Variants in FAM216A observed in about 807,000 individuals in gnomAD.
FAM216A encodes protein FAM216A.
In FAM216A, 26 loss-of-function variants were observed where a neutral mutation model predicts 37.6. The ratio of observed to expected loss-of-function variants is 0.69; its 90% CI spans 0.51 to 0.96. The LOEUF is 0.96. Among genes scored for constraint, FAM216A ranks in the 40% least tolerant of loss-of-function variants. The pLI, the probability that FAM216A is intolerant of heterozygous loss-of-function variation, is 0.00. For missense variants in FAM216A, 326 were observed against 339.3 expected (o/e 0.96, Z 0.31); for synonymous variants, 110 against 121.7 (o/e 0.90, Z 0.64).
intron 2 of FAM216A, among the ~76,000 whole-genome samples, chr12:110,480,388 A>G (rs936338548): frequency 6.6e-6 from 1 of 151,600 alleles, no homozygotes; most frequent in Non-Finnish European, 1.5e-5. Flanking sequence ...ATATTTTTCT[A>G]GAGACGGGGT....
chr12:110,470,502 G>C (rs2135538867), intron 1 of FAM216A, among the ~76,000 whole-genome samples: 1 of 147,318 alleles, frequency 6.8e-6, no homozygotes, highest in South Asian at 2.1e-4. Context: ...TATTGAGACA[G>C]AGTCTCCCTC....
At chr12:110,483,862 T>C (rs901345069) in intron 2 of FAM216A, among the ~76,000 whole-genome samples, 5 of 152,080 alleles carry the variant, frequency 3.3e-5, no homozygotes, top group African/African-American at 1.2e-4. Context: ...ACTGAAACTA[T>C]GTAAAAATAA....
chr12:110,487,986 T>A (rs1251189717), intron 6 of FAM216A, 43 bp downstream of exon 6: 1 of 1,106,214 alleles, frequency 9.0e-7, no homozygotes, highest in East Asian at 2.4e-5. Flanking sequence ...TAAGATCTTA[T>A]GCTTAAAAAT....
rs142702785 is a variant in FAM216A, at chr12:110,485,207, A to G, written c.306+8A>G. On this transcript the variant is annotated splice_region_variant and intron_variant, in intron 3 of 6. Transcript: ENST00000377673. ...GAGGCGTCCTTTTTCAAGGTATGCT[A>G]ACAGGGACATATTTAAATACCAATA... is the stretch of plus-strand genomic sequence containing the variant. 7.0e-4 allele frequency: 1,114 copies of G among 1,599,278 alleles called. 9 individuals are homozygous for G. The Admixed American group carries it at 9.5e-3, about 14-fold the overall frequency.
intron 1 of FAM216A, chr12:110,469,233 G>T (rs981700546): frequency 6.0e-6 from 3 of 504,160 alleles, no homozygotes; most frequent in Non-Finnish European, 9.8e-6. Context: ...TCTGAGGGAA[G>T]CTTCGGAGGA....
At position 110,487,963 on chromosome 12, in the gene FAM216A, A is replaced by G; in HGVS notation, c.703+20A>G. On this transcript the variant is annotated intron_variant, in intron 6 of 6. Transcript: ENST00000377673. ...AAACAGGTAAATGTGGAAATTTAAC[A>G]ATATTCATTTTTTAAGATCTTATGC... The G allele has an allele frequency of 7.0e-7, 1 of 1,433,226 alleles. No individual in the cohort carries two copies. Among genetic ancestry groups the G allele is most frequent in the South Asian group, 1.2e-5 (1 of 84,696 alleles). 88.8% of individuals were successfully genotyped at this position (1,433,226 alleles called of 1,614,324 possible). A position where few individuals can be genotyped will look rare whatever the true frequency, so the allele number is the denominator to read the frequency against.
Position 110,487,756 on chromosome 12 carries a change from T to C in FAM216A, c.621-105T>C. On this transcript the variant is annotated intron_variant, in intron 5 of 6. Coordinates refer to ENST00000377673, the MANE Select transcript of FAM216A (RefSeq NM_013300.3). The stretch of plus-strand genomic sequence containing the variant: ...GAATCTGGGTGCTGAAAGGGTCTTT[T>C]TGGTGATGTTGGCAGCTAATAAAAC... The C allele has an allele frequency of 1.5e-5, 11 of 730,956 alleles. 1 individual carries two copies. The South Asian group carries it at 1.7e-4, about 11-fold the overall frequency. 45.3% of individuals were successfully genotyped at this position (730,956 alleles called of 1,614,324 possible).
chr12:110,485,922 A>G (rs1399018477), intron 3 of FAM216A, among the ~76,000 whole-genome samples: 1 of 152,194 alleles, frequency 6.6e-6, no homozygotes, highest in Admixed American at 6.5e-5. Context: ...TGGTGCTGGA[A>G]AAGAATGTTT....
At chr12:110,474,584 C>T (rs761233692) in intron 2 of FAM216A, among the ~76,000 whole-genome samples, 5 of 147,032 alleles carry the variant, frequency 3.4e-5, no homozygotes, top group African/African-American at 1.3e-4. Flanking sequence ...CCCAGCTACT[C>T]GGAAGGCTGA....
intron 2 of FAM216A, among the ~76,000 whole-genome samples, chr12:110,481,444 A>G (rs1191838956): frequency 6.6e-6 from 1 of 152,120 alleles, no homozygotes; most frequent in Non-Finnish European, 1.5e-5. Context: ...TGCCAGGTTC[A>G]AGTGATTCTT....
At chr12:110,470,109 T>G (rs1197590207) in intron 1 of FAM216A, among the ~76,000 whole-genome samples, 2 of 151,740 alleles carry the variant, frequency 1.3e-5, no homozygotes, top group Admixed American at 6.6e-5. Flanking sequence ...TTTTGTTTTT[T>G]TTTTTTTGAG....
At chr12:110,478,910 C>T (rs1351352434) in intron 2 of FAM216A, among the ~76,000 whole-genome samples, 2 of 151,830 alleles carry the variant, frequency 1.3e-5, no homozygotes, top group South Asian at 2.1e-4. Context: ...TATTTAAGGC[C>T]GGGCGCGGTG....
chr12:110,490,069 G>A lies in FAM216A; in HGVS notation c.754G>A (p.Asp252Asn). 1 of 1,566,172 alleles carries A rather than the reference G, an allele frequency of 6.4e-7. No individual in the cohort carries two copies. Among genetic ancestry groups the A allele is most frequent in the Non-Finnish European group, 8.8e-7 (1 of 1,136,728 alleles). Reference protein sequence around the residue: ...SHMSEEKKEEDLLNNFMQSMS... With the variant: ...SHMSEEKKEENLLNNFMQSMS... ...CATGAGTGAAGAAAAAAAGGAAGAAGATTTACTAAATAATTTTATGCAATC... is the reference window on the plus strand; with the variant it reads ...CATGAGTGAAGAAAAAAAGGAAGAAAATTTACTAAATAATTTTATGCAATC... Residue 252 changes from aspartate (D) to asparagine (N), a missense_variant, in exon 7 of 7, where the codon GAT becomes AAT. Transcript: ENST00000377673.
At chr12:110,474,209 G>C (rs1027896004) in intron 2 of FAM216A, among the ~76,000 whole-genome samples, 1 of 151,872 alleles carries the variant, frequency 6.6e-6, no homozygotes, top group Admixed American at 6.6e-5. Flanking sequence ...TTATAGTTCA[G>C]TGTAAAAAAG....
At chr12:110,470,104 T>G (rs1592973146) in intron 1 of FAM216A, among the ~76,000 whole-genome samples, 3 of 119,294 alleles carry the variant, frequency 2.5e-5, no homozygotes, top group East Asian at 4.4e-4. Context: ...ATCCTTTTTG[T>G]TTTTTTTTTT....
chr12:110,473,081 A>G lies in FAM216A; in HGVS notation c.147A>G (p.Ser49=). 1 of 1,548,564 alleles carries G rather than the reference A, an allele frequency of 6.5e-7. No homozygotes were observed. Among genetic ancestry groups the G allele is most frequent in the South Asian group, 1.2e-5 (1 of 85,010 alleles). The change falls in exon 2 of 7, where the codon TCA becomes TCG. Residue 49 remains serine (S), a synonymous_variant. Transcript: ENST00000377673. ...VAGTEGGGGG[S]AGYSCYQNSK... Reference sequence around the variant, plus strand: ...ATATGCTTTATTTTTTCAACAGATCAGCTGGATACTCTTGTTACCAGAATT... The same window carrying G: ...ATATGCTTTATTTTTTCAACAGATCGGCTGGATACTCTTGTTACCAGAATT...
At chr12:110,478,793 T>C (rs2062729521) in intron 2 of FAM216A, among the ~76,000 whole-genome samples, 1 of 152,164 alleles carries the variant, frequency 6.6e-6, no homozygotes, top group Admixed American at 6.6e-5. Context: ...TCTTTTGAGC[T>C]ATAGAACTAT....
chr12:110,473,763 C>G (rs1248013461), intron 2 of FAM216A, among the ~76,000 whole-genome samples: 1 of 152,138 alleles, frequency 6.6e-6, no homozygotes, highest in Non-Finnish European at 1.5e-5. Flanking sequence ...TCAAAGAATA[C>G]AAAATATTTC....
intron 2 of FAM216A, among the ~76,000 whole-genome samples, chr12:110,473,868 A>G (rs1314232283): frequency 6.6e-6 from 1 of 152,208 alleles, no homozygotes; most frequent in East Asian, 1.9e-4. Flanking sequence ...AGGTAAAACA[A>G]TCCCCCAAAG....
Sources: allele counts gnomAD v4.1 joint callset (sites outside exome capture counted in the v4.1 genomes callset), GRCh38; gene constraint gnomAD v4.1.1; transcripts MANE v1.5; gene names NCBI Gene and HGNC (gene_info 2026-07-23, HGNC 2026-07-21).